MST1: variants seen among roughly 807,000 people sequenced by gnomAD.
MST1 encodes hepatocyte growth factor-like protein.
In MST1, 76 loss-of-function variants were observed where a neutral mutation model predicts 100.1. The ratio of observed to expected loss-of-function variants is 0.76; its 90% confidence interval spans 0.63 to 0.92. MST1 has a LOEUF of 0.92. Among genes scored for constraint, MST1 ranks in the 40% least tolerant of loss-of-function variants. The pLI, the probability that MST1 is intolerant of heterozygous loss-of-function variation, is 0.00. For missense variants in MST1, 850 were observed against 990.0 expected, an observed-to-expected ratio of 0.86 and a Z score of 1.90; for synonymous variants, 352 against 385.4, an observed-to-expected ratio of 0.91 and a Z score of 1.01.
intron 7 of MST1, 80 bp downstream of exon 7, chr3:49,686,604 C>A (rs2053779256): frequency 6.4e-7 from 1 of 1,551,046 alleles, no homozygotes; most frequent in African/African-American, 1.4e-5. Context: ...TCACGCCCAG[C>A]CCCTCTTACC....
In MST1 at chr3:49,684,795, A is replaced by G. The variant is rs1184430299; in HGVS notation, c.1712T>C (p.Val571Ala). The change falls in exon 15 of 18, where the codon GTA (valine) becomes GCA (alanine). Residue 571 changes from valine (V) to alanine (A), a missense_variant. Physicochemically the swap from Val to Ala is moderately conservative, Grantham distance 64. This residue lies in a region of MST1 where 816 missense variants were observed against 924.6 expected (regional missense o/e 0.88). Coordinates refer to ENST00000449682, the MANE Select transcript of MST1 (RefSeq NM_020998.4). ...HGEPSLQRVP[V>A]AKMVCGPSGS... is the part of the protein sequence containing the mutation. Reference sequence around the variant, plus strand: ...TGAGGGCCCACACACCATCTTGGCTACTGGGACCCGCTGTAGGCTTGGCTC... The same window carrying G: ...TGAGGGCCCACACACCATCTTGGCTGCTGGGACCCGCTGTAGGCTTGGCTC... 6.2e-7 allele frequency: 1 copy of G among 1,613,542 alleles called. No homozygotes were observed. The highest frequency in any genetic ancestry group is 8.5e-7 in the Non-Finnish European group (1 of 1,179,864).
In MST1 at chr3:49,688,692, C is replaced by T. The variant is rs1202734988; in HGVS notation, c.-1G>A. 1.2e-6 allele frequency: 2 copies of T among 1,600,300 alleles called. No homozygotes were observed. Among genetic ancestry groups the T allele is most frequent in the African/African-American group, 1.3e-5 (1 of 74,866 alleles). On this transcript the variant is annotated 5_prime_UTR_variant, in exon 1 of 18. Coordinates refer to ENST00000449682, the MANE Select transcript of MST1 (RefSeq NM_020998.4). ...GCACTGTGACCCACCACAGCCCCAT[C>T]CGGGAAGTTGTGAAACCTGTCCCTA...
rs770220305 is a variant in MST1 at position 49,687,825 on chromosome 3, A to G, written c.167T>C (p.Val56Ala). The change falls in exon 2 of 18, where the codon GTG becomes GCG. Residue 56 changes from valine to alanine, a missense_variant. By Grantham distance (64) the Val-to-Ala change is moderately conservative (BLOSUM62 0). Around this residue, in one of 2 missense-constraint regions of MST1, gnomAD observed 816 missense variants for 924.6 expected, o/e 0.88. Transcript: ENST00000449682. Reference protein sequence around the residue: ...TELQHLLHAVVPGPWQEDVAD... With the variant: ...TELQHLLHAVAPGPWQEDVAD... ...CACATCCTCCTGCCAAGGCCCGGGC[A>G]CCACCGCATGTAGCAGGTGCTGTAG... 6.2e-7 allele frequency: 1 copy of G among 1,613,618 alleles called. No homozygotes were observed. The highest frequency in any genetic ancestry group is 1.1e-5 in the South Asian group (1 of 91,076).
chr3:49,688,684 AG>A lies in MST1; in HGVS notation c.7del (p.Leu3CysfsTer22). MG[L>X]WWVTVQPPAR... is the part of the protein sequence containing the mutation. ...TGGAGGCTGCACTGTGACCCACCAC[AG>A]CCCCATCCGGGAAGTTGTGAAACCT... On this transcript the variant is annotated frameshift_variant, in exon 1 of 18. Transcript: ENST00000449682. LOFTEE classifies it high-confidence loss of function. 6.2e-7 allele frequency: 1 copy of A among 1,605,028 alleles called. No individual in the cohort carries two copies. Among genetic ancestry groups the A allele is most frequent in the Non-Finnish European group, 8.5e-7 (1 of 1,176,434 alleles).
rs373984021 is a variant in MST1 at position 49,684,139 on chromosome 3, C to T, written c.2067G>A (p.Leu689=). 13 of 1,613,382 alleles carry T rather than the reference C, an allele frequency of 8.1e-6. No homozygotes were observed. Among genetic ancestry groups the T allele is most frequent in the Non-Finnish European group, 1.1e-5 (13 of 1,179,846 alleles). The change falls in exon 18 of 18, where the codon CTG becomes CTA. Residue 689 remains leucine, a synonymous_variant. Transcript: ENST00000449682. The part of the protein sequence containing the change: ...LACFTHNCWV[L]EGIIIPNRVC... ...CTCGGTTGGGGATTATAATTCCTTC[C>T]AGGACCCAGCAGTTGTGGGTAAAGC...
rs1348306598 is a variant in MST1, at chr3:49,686,049, G to A, written c.1147+13C>T. 6.8e-6 allele frequency: 11 copies of A among 1,608,696 alleles called. No homozygotes were observed. The highest frequency in any genetic ancestry group is 1.3e-5 in the African/African-American group (1 of 74,774). Reference sequence around the variant, plus strand: ...TCCAGCCCGGCTCTGTAGCCCCCAAGCTTGGGCCTCACCCTGGGGCCGCAC... The same window carrying A: ...TCCAGCCCGGCTCTGTAGCCCCCAAACTTGGGCCTCACCCTGGGGCCGCAC... On this transcript the variant is annotated intron_variant, in intron 9 of 17. Transcript: ENST00000449682.
In MST1 at chr3:49,685,037, T is replaced by C. The variant is rs757139258; in HGVS notation, c.1597A>G (p.Thr533Ala). The C allele has an allele frequency of 7.4e-6, 12 of 1,611,564 alleles. No individual in the cohort carries two copies. In the South Asian group the frequency reaches 1.3e-4, roughly 18 times the overall value. The change falls in exon 14 of 18, where the codon ACT becomes GCT. Residue 533 changes from threonine to alanine, a missense_variant. Physicochemically the swap from Thr to Ala is moderately conservative, Grantham distance 58. Transcript: ENST00000449682. Reference sequence around the variant, plus strand: ...CAGGAGGAGAAGCACTGCCGGGCAGTCAGTATCCACTGCTCCTTCACTAGA... The same window carrying C: ...CAGGAGGAGAAGCACTGCCGGGCAGCCAGTATCCACTGCTCCTTCACTAGA... ...GSLVKEQWILTARQCFSSCHM... is the reference protein window; with the variant it reads ...GSLVKEQWILAARQCFSSCHM...
Position 49,684,079 on chromosome 3 carries a change from C to T in MST1, c.2127G>A (p.Thr709=), listed in dbSNP as rs369736713. Residue 709 remains threonine, a synonymous_variant, in exon 18 of 18, where the codon ACG becomes ACA. Coordinates refer to ENST00000449682, the MANE Select transcript of MST1 (RefSeq NM_020998.4). ...TCCAGTCCACAAACACAGAGACACG[C>T]GTGAAGACAGCTGGCCAGCGGGACC... ...CARSRWPAVF[T]RVSVFVDWIH... is the part of the protein sequence containing the mutation. The T allele has an allele frequency of 1.2e-5, 20 of 1,613,568 alleles. No homozygotes were observed. The highest frequency in any genetic ancestry group is 1.7e-5 in the Admixed American group (1 of 60,004).
rs755960273 is a variant in MST1 at position 49,684,816 on chromosome 3, G to C, written c.1691C>G (p.Pro564Arg). 2.4e-5 allele frequency: 39 copies of C among 1,613,372 alleles called. No homozygotes were observed. The South Asian group carries it at 3.8e-4, about 16-fold the overall frequency. ...TLFQNPQHGE[P>R]SLQRVPVAKM... Reference sequence around the variant, plus strand: ...GGCTACTGGGACCCGCTGTAGGCTTGGCTCTCCATGCTGTGGGTTCTGGAA... The same window carrying C: ...GGCTACTGGGACCCGCTGTAGGCTTCGCTCTCCATGCTGTGGGTTCTGGAA... The change falls in exon 15 of 18, where the codon CCA becomes CGA. Residue 564 changes from proline (P) to arginine (R), a missense_variant. Around this residue, in one of 2 missense-constraint regions of MST1, gnomAD observed 816 missense variants for 924.6 expected, o/e 0.88. Transcript: ENST00000449682.
chr3:49,684,701 C>T, intron 15 of MST1, 37 bp downstream of exon 15: 1 of 1,613,162 alleles, frequency 6.2e-7, no homozygotes, highest in Non-Finnish European at 8.5e-7. Context: ...CCACAAGGCC[C>T]AGCCCCACCT....
Position 49,688,519 on chromosome 3 carries a change from T to A in MST1, c.94+79A>T. The A allele has an allele frequency of 3.9e-6, 6 of 1,541,254 alleles. No individual in the cohort carries two copies. The South Asian group carries it at 7.1e-5, about 18-fold the overall frequency. On this transcript the variant is annotated intron_variant, in intron 1 of 17. Transcript: ENST00000449682. The stretch of plus-strand genomic sequence containing the variant: ...CCCACTGAGCCTCTGGCTCCCCGAC[T>A]TTTTTCTCATCCTAGAATAGGAGAA...
Position 49,686,092 on chromosome 3 carries a change from G to C in MST1, c.1117C>G (p.Arg373Gly). ...GMRAAFCYQI[R>G]RCTDDVRPQD... is the part of the protein sequence containing the mutation. ...GGCCGCACGTCGTCTGTACAACGCC[G>C]GATCTGGTAGCAAAAGGCCGCGCGC... Residue 373 changes from arginine (R) to glycine (G), a missense_variant, in exon 9 of 18, where the codon CGG becomes GGG. Transcript: ENST00000449682. The C allele has an allele frequency of 6.2e-7, 1 of 1,610,694 alleles. No homozygotes were observed. Among genetic ancestry groups the C allele is most frequent in the Non-Finnish European group, 8.5e-7 (1 of 1,179,416 alleles).
chr3:49,687,615 T>C lies in MST1; in HGVS notation c.296A>G (p.Gln99Arg). The C allele has an allele frequency of 1.2e-6, 2 of 1,613,568 alleles. No homozygotes were observed. The highest frequency in any genetic ancestry group is 8.5e-7 in the Non-Finnish European group (1 of 1,179,866). ...SHGCQLLPWTQHSPHTRLRRS... is the reference protein window; with the variant it reads ...SHGCQLLPWTRHSPHTRLRRS... ...CCGCAGCCTCGTGTGGGGCGAGTGT[T>C]GAGTCCATGGCAGCAGTTGGCAACC... Residue 99 changes from glutamine to arginine, a missense_variant, in exon 3 of 18, where the codon CAA becomes CGA. Coordinates refer to ENST00000449682, the MANE Select transcript of MST1 (RefSeq NM_020998.4).
chr3:49,688,059 A>C lies in MST1; in HGVS notation c.95-162T>G, dbSNP rs1233561795. The C allele has an allele frequency of 3.3e-6, 4 of 1,197,422 alleles. No individual in the cohort carries two copies. The African/African-American group carries it at 6.2e-5, about 19-fold the overall frequency. 74.2% of individuals were successfully genotyped at this position (1,197,422 alleles called of 1,614,324 possible). ...GGCCAGTCTAGCCCCCTGCACAGAT[A>C]CTTGTGAAAAAAATTTCCCCTGGGA... On this transcript the variant is annotated intron_variant, in intron 1 of 17. Coordinates refer to ENST00000449682, the MANE Select transcript of MST1 (RefSeq NM_020998.4).
Position 49,686,930 on chromosome 3 carries a change from A to G in MST1, c.728+17T>C, listed in dbSNP as rs180717134. ...CCCTAGCCCGGCCCCCAGGACGCCGATACCGCCTACGCGTACTTGCCCGGC... is the reference window on the plus strand; with the variant it reads ...CCCTAGCCCGGCCCCCAGGACGCCGGTACCGCCTACGCGTACTTGCCCGGC... On this transcript the variant is annotated intron_variant, in intron 6 of 17. Coordinates refer to ENST00000449682, the MANE Select transcript of MST1 (RefSeq NM_020998.4). 6.2e-5 allele frequency: 100 copies of G among 1,611,626 alleles called. 1 individual carries two copies. In the African/African-American group the frequency reaches 1.0e-3, roughly 17 times the overall value.
Position 49,684,302 on chromosome 3 carries a change from C to T in MST1, c.2016+12G>A. 1 of 1,612,820 alleles carries T rather than the reference C, an allele frequency of 6.2e-7. No homozygotes were observed. Among genetic ancestry groups the T allele is most frequent in the South Asian group, 1.1e-5 (1 of 91,056 alleles). ...TACCCTTCCAGGGCTGGCCCAGGGCCCTGCCACCAACCTCACAGGCCCCCA... is the reference window on the plus strand; with the variant it reads ...TACCCTTCCAGGGCTGGCCCAGGGCTCTGCCACCAACCTCACAGGCCCCCA... On this transcript the variant is annotated intron_variant, in intron 17 of 17. Transcript: ENST00000449682.
chr3:49,685,546 T>C (rs1178021800), intron 11 of MST1, 40 bp from the exon 12 acceptor site: 1 of 1,613,084 alleles, frequency 6.2e-7, no homozygotes, highest in African/African-American at 1.3e-5. Context: ...GAGCCAGCCT[T>C]TGGGTGGGGG....
chr3:49,687,600 G>A lies in MST1; in HGVS notation c.311C>T (p.Thr104Met), dbSNP rs370891487. The A allele has an allele frequency of 4.3e-6, 7 of 1,613,568 alleles. No homozygotes were observed. The highest frequency in any genetic ancestry group is 1.1e-5 in the South Asian group (1 of 91,078). Residue 104 changes from threonine to methionine, a missense_variant, in exon 3 of 18, where the codon ACG (threonine) becomes ATG (methionine). Thr to Met is a moderately conservative substitution (Grantham distance 81). Coordinates refer to ENST00000449682, the MANE Select transcript of MST1 (RefSeq NM_020998.4). ...LLPWTQHSPH[T>M]RLRRSGRCDL... Reference sequence around the variant, plus strand: ...ACAGCGCCCAGAACGCCGCAGCCTCGTGTGGGGCGAGTGTTGAGTCCATGG... The same window carrying A: ...ACAGCGCCCAGAACGCCGCAGCCTCATGTGGGGCGAGTGTTGAGTCCATGG...
chr3:49,685,384 T>C lies in MST1; in HGVS notation c.1424-2A>G, dbSNP rs769799970. ...CACACTTCTCAAACTGCACCTGGTC[T>C]GTAGGATGGGGTGGGCTGGATGAAA... On this transcript the variant is annotated splice_acceptor_variant, in intron 12 of 17. Transcript: ENST00000449682. LOFTEE classifies it high-confidence loss of function. The C allele has an allele frequency of 4.3e-6, 7 of 1,613,712 alleles. No homozygotes were observed. Among genetic ancestry groups the C allele is most frequent in the Non-Finnish European group, 5.9e-6 (7 of 1,179,852 alleles).
Sources: allele counts gnomAD v4.1 joint callset, GRCh38; gene constraint gnomAD v4.1.1; regional missense constraint gnomAD v4.1.1; transcripts MANE v1.5; gene names NCBI Gene and HGNC (gene_info 2026-07-23, HGNC 2026-07-21).